CCM2: variants seen among roughly 807,000 people sequenced by gnomAD.
The protein encoded by CCM2 is CCM2 scaffold protein.
CCM2 carries 25 observed loss-of-function variants against 44.9 expected under a neutral mutation model. That is an observed-to-expected ratio of 0.56 (90% CI 0.41 to 0.78). The LOEUF (loss-of-function observed/expected upper bound fraction) is 0.78. CCM2 is among the 30% of genes least tolerant of loss of function. CCM2 has a pLI of 0.00. For synonymous variants in CCM2, 219 were observed against 241.1 expected (o/e 0.91, Z 0.85); for missense variants, 481 against 580.6 (o/e 0.83, Z 1.76).
rs1204037850 is a variant in CCM2 at position 45,000,227 on chromosome 7, G to A, written c.-107G>A. 1 of 668,130 alleles carries A rather than the reference G, an allele frequency of 1.5e-6. No individual in the cohort carries two copies. The highest frequency in any genetic ancestry group is 1.9e-6 in the Non-Finnish European group (1 of 538,846). 41.4% of individuals were successfully genotyped at this position (668,130 alleles called of 1,614,324 possible). A position where few individuals can be genotyped will look rare whatever the true frequency, so the allele number is the denominator to read the frequency against. On this transcript the variant is annotated 5_prime_UTR_variant, in exon 1 of 10. Coordinates refer to ENST00000258781, the MANE Select transcript of CCM2 (RefSeq NM_031443.4). ...GAGACTTCGGGCCCGGCTGGCGGGCGGCGCCGGGAGCGCGGGGGCGGCGGG... is the reference window on the plus strand; with the variant it reads ...GAGACTTCGGGCCCGGCTGGCGGGCAGCGCCGGGAGCGCGGGGGCGGCGGG...
intron 2 of CCM2, among the ~76,000 whole-genome samples, chr7:45,046,323 G>C (rs1457161217): frequency 6.6e-6 from 1 of 152,180 alleles, no homozygotes; most frequent in African/African-American, 2.4e-5. Flanking sequence ...AAGAAAATGA[G>C]AAGAGTCAGC....
intron 7 of CCM2, 118 bp from the exon 8 acceptor site, chr7:45,073,342 T>C (rs1799176347): frequency 2.8e-6 from 2 of 715,872 alleles, no homozygotes; most frequent in Non-Finnish European, 5.0e-6. Flanking sequence ...CATCATCACT[T>C]ACATTCCTCT....
At chr7:45,054,581 T>C (rs946278328) in intron 2 of CCM2, among the ~76,000 whole-genome samples, 4 of 152,162 alleles carry the variant, frequency 2.6e-5, no homozygotes, top group Non-Finnish European at 4.4e-5. Context: ...GACAAGGTGC[T>C]TGAGGAGGTG....
intron 1 of CCM2, among the ~76,000 whole-genome samples, chr7:45,014,863 C>T (rs1034146841): frequency 1.3e-5 from 2 of 152,032 alleles, no homozygotes; most frequent in African/African-American, 2.4e-5. Context: ...ATCGGCTGAT[C>T]GGCCCACCTC....
At chr7:45,045,953 C>T (rs1240332039) in intron 2 of CCM2, among the ~76,000 whole-genome samples, 5 of 152,124 alleles carry the variant, frequency 3.3e-5, no homozygotes, top group African/African-American at 1.2e-4. Flanking sequence ...ATGCTGAAAA[C>T]TATAGAACAC....
chr7:45,000,329 G>C lies in CCM2; in HGVS notation c.-5G>C. 7.8e-7 allele frequency: 1 copy of C among 1,280,722 alleles called. No individual in the cohort carries two copies. The highest frequency in any genetic ancestry group is 9.9e-7 in the Non-Finnish European group (1 of 1,006,344). The allele number at this position is 1,280,722 out of a possible 1,614,324, so 79.3% of individuals were successfully genotyped here. A position where few individuals can be genotyped will look rare whatever the true frequency, so the allele number is the denominator to read the frequency against. On this transcript the variant is annotated 5_prime_UTR_variant, in exon 1 of 10. Coordinates refer to ENST00000258781, the MANE Select transcript of CCM2 (RefSeq NM_031443.4). The stretch of plus-strand genomic sequence containing the variant: ...GGGCGGGCCGCGGGAGCCGCACGCG[G>C]CGATATGGAAGAGGAGGGCAAGAAG...
chr7:45,061,556 C>T (rs1206546132), intron 2 of CCM2, among the ~76,000 whole-genome samples: 1 of 151,458 alleles, frequency 6.6e-6, no homozygotes, highest in Admixed American at 6.6e-5. Flanking sequence ...CAGCCTCAAC[C>T]TCCTGGGCTC....
intron 2 of CCM2, among the ~76,000 whole-genome samples, chr7:45,061,868 G>C (rs972823920): frequency 6.6e-6 from 1 of 152,142 alleles, no homozygotes. Flanking sequence ...CTGAGAGCCT[G>C]GTGGGGCTCA....
chr7:45,075,785 C>A lies in CCM2; in HGVS notation c.1063C>A (p.Pro355Thr). ...SRKFLLLGLR[P>T]FIPEKDSQHF... Reference sequence around the variant, plus strand: ...GTGTTGTGTGTCTGCAGGTCTGAGGCCCTTCATCCCTGAGAAGGACAGCCA... The same window carrying A: ...GTGTTGTGTGTCTGCAGGTCTGAGGACCTTCATCCCTGAGAAGGACAGCCA... Residue 355 changes from proline to threonine, a missense_variant, in exon 10 of 10, where the codon CCC becomes ACC. Transcript: ENST00000258781. 1.9e-6 allele frequency: 3 copies of A among 1,613,662 alleles called. No individual in the cohort carries two copies. Among genetic ancestry groups the A allele is most frequent in the Non-Finnish European group, 2.5e-6 (3 of 1,180,016 alleles).
chr7:45,064,776 T>C (rs1798693588), intron 4 of CCM2, 130 bp downstream of exon 4: 2 of 951,984 alleles, frequency 2.1e-6, no homozygotes, highest in Non-Finnish European at 3.2e-6. Context: ...TAATTGTCTT[T>C]CCTGTCTCTG....
chr7:45,011,536 T>G (rs1173455081), intron 1 of CCM2, among the ~76,000 whole-genome samples: 7 of 151,970 alleles, frequency 4.6e-5, no homozygotes, highest in African/African-American at 1.7e-4. Context: ...TGTTTTATTT[T>G]TTAATGGTTG....
In CCM2 at chr7:45,052,719, A is replaced by G. The variant is rs547330270; in HGVS notation, c.205-11199A>G. Among the ~76,000 whole-genome samples the G allele has an allele frequency of 2.6e-5, 4 of 152,304 alleles. No homozygotes were observed. The South Asian group carries it at 8.3e-4, about 32-fold the overall frequency. ...TGGCAGTCTACAGTCATCTACCACA[A>G]TTTATCCACCATAATTTCTATAGGA... On this transcript the variant is annotated intron_variant, in intron 2 of 9. Coordinates refer to ENST00000258781, the MANE Select transcript of CCM2 (RefSeq NM_031443.4).
intron 2 of CCM2, among the ~76,000 whole-genome samples, chr7:45,042,009 C>A (rs1184430135): frequency 6.6e-6 from 1 of 152,164 alleles, no homozygotes; most frequent in Admixed American, 6.5e-5. Flanking sequence ...AGCGCCGTGG[C>A]CCATGCCTGT....
chr7:44,999,957 G>T, upstream of CCM2: 1 of 280,418 alleles, frequency 3.6e-6, no homozygotes, highest in Non-Finnish European at 7.2e-6. Context: ...AGGCAGGCGC[G>T]TTCTCGGCCG....
At chr7:45,005,827 T>C (rs988360868) in intron 1 of CCM2, among the ~76,000 whole-genome samples, 3 of 152,170 alleles carry the variant, frequency 2.0e-5, no homozygotes, top group Admixed American at 6.6e-5. Context: ...TCCAGCCAGG[T>C]TGAGACCGGG....
chr7:45,004,349 A>G (rs1795761118), intron 1 of CCM2, among the ~76,000 whole-genome samples: 1 of 152,176 alleles, frequency 6.6e-6, no homozygotes, highest in Admixed American at 6.6e-5. Context: ...GCTTTACTCA[A>G]AATAGAAGAA....
At position 45,001,777 on chromosome 7, in the gene CCM2, G is replaced by A. The variant is rs183164565; in HGVS notation, c.30+1414G>A. Among the ~76,000 whole-genome samples the A allele has an allele frequency of 2.0e-5, 3 of 152,216 alleles. No individual in the cohort carries two copies. The East Asian group carries it at 5.8e-4, about 29-fold the overall frequency. Reference sequence around the variant, plus strand: ...AGCAAATAGGGAGAGAGAGAGAGAAGCAGTAAGACTGTTTTTGGGGTACAA... The same window carrying A: ...AGCAAATAGGGAGAGAGAGAGAGAAACAGTAAGACTGTTTTTGGGGTACAA... On this transcript the variant is annotated intron_variant, in intron 1 of 9. Coordinates refer to ENST00000258781, the MANE Select transcript of CCM2 (RefSeq NM_031443.4).
chr7:45,055,947 G>A (rs1007346199), intron 2 of CCM2, among the ~76,000 whole-genome samples: 2 of 152,164 alleles, frequency 1.3e-5, no homozygotes, highest in Non-Finnish European at 2.9e-5. Flanking sequence ...TTGTCCTTTT[G>A]TGACTGGCTT....
chr7:45,069,151 T>G (rs1471134168), intron 5 of CCM2, among the ~76,000 whole-genome samples: 3 of 152,234 alleles, frequency 2.0e-5, no homozygotes, highest in Non-Finnish European at 4.4e-5. Context: ...TTTGTTTAAT[T>G]TCCATATCTG....
Sources: gnomAD v4.1 joint callset for allele counts (sites outside exome capture counted in the v4.1 genomes callset) on GRCh38, gnomAD v4.1.1 for gene constraint, MANE v1.5 for transcripts, NCBI Gene and HGNC (gene_info 2026-07-23, HGNC 2026-07-21) for gene names.